Variants in CACNA2D2 observed in about 807,000 individuals in gnomAD.
CACNA2D2 encodes calcium voltage-gated channel auxiliary subunit alpha2delta 2, also known as voltage-dependent calcium channel subunit alpha-2/delta-2.
Under a neutral mutation model 166.4 loss-of-function variants are expected in CACNA2D2, and 48 were observed. That is an observed-to-expected ratio of 0.29 (90% CI 0.23 to 0.37). CACNA2D2 has a LOEUF of 0.37. Ranked by LOEUF, CACNA2D2 falls within the 10% of genes least tolerant of loss-of-function variation. The probability of loss-of-function intolerance (pLI) is 1.00; values close to 1 mark genes in which losing one functional copy is unlikely to be tolerated. For synonymous variants in CACNA2D2, 561 were observed against 573.7 expected (o/e 0.98, Z 0.32); for missense variants, 1,122 against 1,433.0 (o/e 0.78, Z 3.50).
intron 2 of CACNA2D2, among the ~76,000 whole-genome samples, chr3:50,442,491 G>A (rs529348754): frequency 1.3e-5 from 2 of 152,264 alleles, no homozygotes; most frequent in East Asian, 3.9e-4. Context: ...TGGGGTGGGT[G>A]GTGCAATACC....
chr3:50,425,365 C>T (rs918048394), intron 3 of CACNA2D2, among the ~76,000 whole-genome samples: 8 of 152,218 alleles, frequency 5.3e-5, no homozygotes, highest in African/African-American at 1.7e-4. Context: ...GGAAATTCCA[C>T]CTGCCTTCCA....
intron 4 of CACNA2D2, 105 bp from the exon 5 acceptor site, chr3:50,387,717 G>GTCTCTGCCCC: frequency 3.4e-6 from 3 of 876,908 alleles, no homozygotes; most frequent in Non-Finnish European, 5.4e-6. Flanking sequence ...CTCTGGGGCA[G>GTCTCTGCCCC]AGACTGTCCC....
rs1034867410 is a variant in CACNA2D2 at position 50,433,610 on chromosome 3, C to T, written c.405+703G>A. Among the ~76,000 whole-genome samples the T allele has an allele frequency of 3.9e-5, 6 of 152,120 alleles. No individual in the cohort carries two copies. In the South Asian group the frequency reaches 1.2e-3, roughly 32 times the overall value. ...ATCTGGGGGGAGCTTGGATGCCTCT[C>T]ACTCATTTACGTATGACCTTCCCTG... On this transcript the variant is annotated intron_variant, in intron 3 of 37. Coordinates refer to ENST00000424201, the MANE Select transcript of CACNA2D2 (RefSeq NM_006030.4).
chr3:50,438,022 C>G (rs1708427532), intron 2 of CACNA2D2, among the ~76,000 whole-genome samples: 1 of 152,186 alleles, frequency 6.6e-6, no homozygotes, highest in Admixed American at 6.5e-5. Flanking sequence ...CAGCTCTGTG[C>G]CAGCAGTGAT....
intron 2 of CACNA2D2, among the ~76,000 whole-genome samples, chr3:50,462,049 TGGG>T (rs1397870466): frequency 2.6e-5 from 4 of 151,988 alleles, no homozygotes; most frequent in African/African-American, 9.7e-5. Flanking sequence ...GGCGGGGAGT[TGGG>T]GGCAGAGTGA....
chr3:50,466,167 C>A (rs1279612874), intron 2 of CACNA2D2, among the ~76,000 whole-genome samples: 1 of 152,166 alleles, frequency 6.6e-6, no homozygotes. Flanking sequence ...CCAGGATGCA[C>A]CCCCAACCAC....
chr3:50,457,113 G>C (rs1328543997), intron 2 of CACNA2D2, among the ~76,000 whole-genome samples: 40 of 152,200 alleles, frequency 2.6e-4, no homozygotes. Context: ...AGCTGGGCAT[G>C]GTGGCACGCG....
At chr3:50,500,389 G>C (rs1337708206) in intron 1 of CACNA2D2, among the ~76,000 whole-genome samples, 1 of 152,194 alleles carries the variant, frequency 6.6e-6, no homozygotes, top group African/African-American at 2.4e-5. Flanking sequence ...GGAGGGGACA[G>C]AGAAACCTGG....
chr3:50,461,622 G>A (rs1049959116), intron 2 of CACNA2D2, among the ~76,000 whole-genome samples: 3 of 151,948 alleles, frequency 2.0e-5, no homozygotes, highest in South Asian at 4.1e-4. Flanking sequence ...TGAGCTGGGC[G>A]TGGCGGCGCA....
intron 2 of CACNA2D2, among the ~76,000 whole-genome samples, chr3:50,461,872 C>T (rs945121987): frequency 2.6e-5 from 4 of 152,054 alleles, no homozygotes; most frequent in Admixed American, 2.6e-4. Context: ...GAGGGGACTC[C>T]AACCCCAAGA....
rs370651951 is a variant in CACNA2D2 at position 50,376,144 on chromosome 3, G to A, written c.1671C>T (p.Tyr557=). 3.3e-5 allele frequency: 54 copies of A among 1,613,512 alleles called. No individual in the cohort carries two copies. The South Asian group carries it at 3.8e-4, about 11-fold the overall frequency. Residue 557 remains tyrosine (Y), a synonymous_variant, in exon 18 of 38, where the codon TAC becomes TAT. Transcript: ENST00000424201. This position sits in a 1 kb window ranked among gnomAD's most constrained non-coding sequence, Gnocchi z 4.3. ...GCTTGAGATTGGGGTGCAGCAACAC[G>A]TAGCCGTTCAGGTCAATGGCAAACA... ...GYVFAIDLNG[Y]VLLHPNLKPQ...
chr3:50,362,637 A>G lies in CACNA2D2; in HGVS notation c.*2029T>C, dbSNP rs1575573123. Among the ~76,000 whole-genome samples the G allele has an allele frequency of 7.9e-6, 1 of 126,000 alleles. No individual in the cohort carries two copies. Among genetic ancestry groups the G allele is most frequent in the Non-Finnish European group, 1.5e-5 (1 of 67,538 alleles). 82.7% of individuals were successfully genotyped at this position (126,000 alleles called of 152,430 possible). On this transcript the variant is annotated 3_prime_UTR_variant, in exon 38 of 38. Transcript: ENST00000424201. ...GTATGTCAAGGGCCTGGCACCTATTATAACTGGTGGAAGCAAGTGCCATGC... is the reference window on the plus strand; with the variant it reads ...GTATGTCAAGGGCCTGGCACCTATTGTAACTGGTGGAAGCAAGTGCCATGC...
chr3:50,374,925 C>A, intron 21 of CACNA2D2, 112 bp from the exon 22 acceptor site: 1 of 854,330 alleles, frequency 1.2e-6, no homozygotes, highest in South Asian at 1.5e-5. Context: ...CCCCTCCTCC[C>A]ACCACCAGGG....
chr3:50,496,274 T>A (rs1325384093), intron 1 of CACNA2D2, among the ~76,000 whole-genome samples: 1 of 152,216 alleles, frequency 6.6e-6, no homozygotes, highest in African/African-American at 2.4e-5. Flanking sequence ...CACCTACTGC[T>A]GCCTACACAC....
At chr3:50,408,329 G>C (rs1395833625) in intron 3 of CACNA2D2, among the ~76,000 whole-genome samples, 1 of 152,256 alleles carries the variant, frequency 6.6e-6, no homozygotes, top group African/African-American at 2.4e-5. Context: ...GACTCTTCCA[G>C]CTAGGCTGTC....
At chr3:50,468,632 G>A (rs1709936027) in intron 2 of CACNA2D2, among the ~76,000 whole-genome samples, 1 of 151,790 alleles carries the variant, frequency 6.6e-6, no homozygotes, top group African/African-American at 2.4e-5. Flanking sequence ...TAAACTGAGG[G>A]ACAGAGAACC....
intron 2 of CACNA2D2, among the ~76,000 whole-genome samples, chr3:50,436,379 C>T (rs1465200324): frequency 6.6e-6 from 1 of 152,208 alleles, no homozygotes; most frequent in Admixed American, 6.5e-5. Flanking sequence ...GGACCTGAGG[C>T]AGGACCATGT....
At chr3:50,438,766 C>T (rs1047861984) in intron 2 of CACNA2D2, among the ~76,000 whole-genome samples, 59 of 152,038 alleles carry the variant, frequency 3.9e-4, no homozygotes, top group Admixed American at 2.7e-3. Context: ...GGAGCCCAGA[C>T]CTGAGCTACC....
chr3:50,454,123 G>A (rs937911848), intron 2 of CACNA2D2, among the ~76,000 whole-genome samples: 2 of 152,202 alleles, frequency 1.3e-5, no homozygotes, highest in African/African-American at 4.8e-5. Context: ...GCACACAAGA[G>A]GCCTGATGGG....
Sources: gnomAD v4.1 joint callset for allele counts (sites outside exome capture counted in the v4.1 genomes callset) on GRCh38, gnomAD v4.1.1 for gene constraint, Gnocchi (gnomAD v3.1) non-coding constraint, MANE v1.5 for transcripts, NCBI Gene and HGNC (gene_info 2026-07-23, HGNC 2026-07-21) for gene names.